Variants in CACNB2 observed in about 807,000 individuals in gnomAD.
CACNB2 encodes calcium voltage-gated channel auxiliary subunit beta 2, also known as voltage-dependent L-type calcium channel subunit beta-2.
Under a neutral mutation model 73.3 loss-of-function variants are expected in CACNB2, and 42 were observed. That is an observed-to-expected ratio of 0.57 (90% confidence interval 0.45 to 0.74). CACNB2 has a LOEUF of 0.74. Among genes scored for constraint, CACNB2 ranks in the 30% least tolerant of loss-of-function variants. The probability of loss-of-function intolerance (pLI) is 0.00; values close to 1 mark genes in which losing one functional copy is unlikely to be tolerated. For synonymous variants in CACNB2, 348 were observed against 310.3 expected (o/e 1.12, Z -1.28); for missense variants, 940 against 853.0 (o/e 1.10, Z -1.27).
At chr10:18,151,933 T>C (rs2031595457) in intron 2 of CACNB2, among the ~76,000 whole-genome samples, 1 of 152,210 alleles carries the variant, frequency 6.6e-6, no homozygotes, top group South Asian at 2.1e-4. Context: ...ATCATGGCCA[T>C]AGATTCCACC....
chr10:18,288,413 A>G (rs1250965493), intron 2 of CACNB2, among the ~76,000 whole-genome samples: 1 of 152,214 alleles, frequency 6.6e-6, no homozygotes, highest in East Asian at 1.9e-4. Context: ...AAGAACTCTG[A>G]AATGTGAAAA....
rs550986833 is a variant in CACNB2, at chr10:18,238,097, A to G, written c.213+87122A>G. ...AGATGTAGACTGACTTTAGGATGGG[A>G]ACTATGAAGGCTCTTTTCTGAAACA... On this transcript the variant is annotated intron_variant, in intron 2 of 13. Coordinates refer to ENST00000324631, the MANE Select transcript of CACNB2 (RefSeq NM_201596.3). Among the ~76,000 whole-genome samples, 3 of 152,254 alleles carry G rather than the reference A, an allele frequency of 2.0e-5. No individual in the cohort carries two copies. The East Asian group carries it at 5.8e-4, about 29-fold the overall frequency.
chr10:18,236,137 C>A (rs1274767520), intron 2 of CACNB2, among the ~76,000 whole-genome samples: 1 of 152,312 alleles, frequency 6.6e-6, no homozygotes, highest in East Asian at 1.9e-4. Context: ...TCAGGTATTT[C>A]TTTCTAGCAG....
intron 3 of CACNB2, among the ~76,000 whole-genome samples, chr10:18,452,638 G>A (rs2047069469): frequency 6.6e-6 from 1 of 152,162 alleles, no homozygotes; most frequent in South Asian, 2.1e-4. Context: ...TCAAACTCCT[G>A]TGCTCAAGCC....
intron 2 of CACNB2, among the ~76,000 whole-genome samples, chr10:18,165,882 A>G (rs1291324518): frequency 6.6e-6 from 1 of 152,204 alleles, no homozygotes; most frequent in Non-Finnish European, 1.5e-5. Context: ...AACTGACGTT[A>G]GATTGACCAT....
At chr10:18,423,783 T>C (rs1206334664) in intron 3 of CACNB2, among the ~76,000 whole-genome samples, 2 of 152,196 alleles carry the variant, frequency 1.3e-5, no homozygotes, top group Admixed American at 6.5e-5. Flanking sequence ...CATTTGCTTT[T>C]GTAATATGGG....
intron 2 of CACNB2, among the ~76,000 whole-genome samples, chr10:18,280,252 A>G (rs1179866092): frequency 6.6e-6 from 1 of 152,168 alleles, no homozygotes; most frequent in Non-Finnish European, 1.5e-5. Flanking sequence ...AAAATTAACC[A>G]TGAGTATTTA....
At chr10:18,524,221 T>A (rs946529966) in intron 9 of CACNB2, among the ~76,000 whole-genome samples, 1 of 151,688 alleles carries the variant, frequency 6.6e-6, no homozygotes, top group South Asian at 2.1e-4. Context: ...TTTTTTTTTG[T>A]TTTTTTGTTT....
At chr10:18,498,203 A>G in intron 3 of CACNB2, 152 bp from the exon 4 acceptor site, 3 of 897,210 alleles carry the variant, frequency 3.3e-6, no homozygotes, top group Non-Finnish European at 5.3e-6. Flanking sequence ...TGTTTTGAAT[A>G]CGAACAAGCT....
chr10:18,541,023 G>T lies in CACNB2; in HGVS notation c.*1299G>T, dbSNP rs1589786114. The T allele has an allele frequency of 2.9e-5, 4 of 138,862 alleles. No homozygotes were observed. The South Asian group carries it at 1.0e-3, about 36-fold the overall frequency. 8.6% of individuals were successfully genotyped at this position (138,862 alleles called of 1,614,324 possible). ...GTTTCACTGGAAATGTACAATCTTT[G>T]TGTGTTAGAGTATTTGTTTTAGTAA... On this transcript the variant is annotated 3_prime_UTR_variant, in exon 14 of 14. Coordinates refer to ENST00000324631, the MANE Select transcript of CACNB2 (RefSeq NM_201596.3).
chr10:18,141,831 TG>T (rs1260351300), intron 1 of CACNB2, among the ~76,000 whole-genome samples: 1 of 152,208 alleles, frequency 6.6e-6, no homozygotes, highest in Non-Finnish European at 1.5e-5. Flanking sequence ...GAAGAGGTCT[TG>T]GTTACATTTC....
At chr10:18,170,094 G>A (rs1321004293) in intron 2 of CACNB2, among the ~76,000 whole-genome samples, 2 of 152,212 alleles carry the variant, frequency 1.3e-5, no homozygotes, top group East Asian at 3.8e-4. Flanking sequence ...GCATGTCCAT[G>A]AACTAATCAC....
In CACNB2 at chr10:18,539,652, G is replaced by T; in HGVS notation, c.1911G>T (p.Lys637Asn). The T allele has an allele frequency of 6.2e-7, 1 of 1,613,258 alleles. No homozygotes were observed. Among genetic ancestry groups the T allele is most frequent in the Non-Finnish European group, 8.5e-7 (1 of 1,179,870 alleles). Reference sequence around the variant, plus strand: ...AATCCAAGGATCGCTACTGTGAAAAGGATGGAGAAGTGATATCAAAAAAAC... The same window carrying T: ...AATCCAAGGATCGCTACTGTGAAAATGATGGAGAAGTGATATCAAAAAAAC... ...RHKSKDRYCE[K>N]DGEVISKKRN... The change falls in exon 14 of 14, where the codon AAG becomes AAT. Residue 637 changes from lysine to asparagine, a missense_variant. Coordinates refer to ENST00000324631, the MANE Select transcript of CACNB2 (RefSeq NM_201596.3).
chr10:18,423,663 A>G (rs1225754226), intron 3 of CACNB2, among the ~76,000 whole-genome samples: 1 of 152,184 alleles, frequency 6.6e-6, no homozygotes, highest in East Asian at 1.9e-4. Context: ...TGATTATTGC[A>G]ATTTTGGGAA....
At chr10:18,509,651 A>T (rs1027995373) in intron 6 of CACNB2, among the ~76,000 whole-genome samples, 4 of 151,998 alleles carry the variant, frequency 2.6e-5, no homozygotes, top group African/African-American at 9.7e-5. Context: ...TTAGCTGGGT[A>T]TGGTGGTGTG....
rs1432745898 is a variant in CACNB2 at position 18,433,312 on chromosome 10, A to T, written c.333+31269A>T. Among the ~76,000 whole-genome samples, 3 of 152,196 alleles carry T rather than the reference A, an allele frequency of 2.0e-5. No individual in the cohort carries two copies. In the South Asian group the frequency reaches 6.2e-4, roughly 32 times the overall value. On this transcript the variant is annotated intron_variant, in intron 3 of 13. Transcript: ENST00000324631. ...GCAAGCAGTTTAATATAACTGGATC[A>T]GCGACCACAAAAAAACCAGTTTCTC...
At chr10:18,386,132 A>C (rs1418392612) in intron 2 of CACNB2, among the ~76,000 whole-genome samples, 2 of 152,114 alleles carry the variant, frequency 1.3e-5, no homozygotes, top group African/African-American at 4.8e-5. Flanking sequence ...AAAAATTAAA[A>C]CTAGTGTTGT....
At chr10:18,324,054 G>GTTTA (rs1206229642) in intron 2 of CACNB2, among the ~76,000 whole-genome samples, 1 of 152,206 alleles carries the variant, frequency 6.6e-6, no homozygotes, top group African/African-American at 2.4e-5. Context: ...ATACGAATGA[G>GTTTA]TGTAATGGCT....
chr10:18,271,965 G>C (rs1163550847), intron 2 of CACNB2, among the ~76,000 whole-genome samples: 1 of 152,024 alleles, frequency 6.6e-6, no homozygotes, highest in Non-Finnish European at 1.5e-5. Flanking sequence ...CCTGAATAAA[G>C]AGAGTAAGGG....
Sources: allele counts gnomAD v4.1 joint callset (sites outside exome capture counted in the v4.1 genomes callset), GRCh38; gene constraint gnomAD v4.1.1; transcripts MANE v1.5; gene names NCBI Gene and HGNC (gene_info 2026-07-23, HGNC 2026-07-21).